CELF5: variants seen among roughly 807,000 people sequenced by gnomAD.
CELF5 encodes CUGBP Elav-like family member 5, also known as CUG-BP and ETR-3 like factor 5.
A neutral mutation model predicts 54.9 loss-of-function variants in CELF5; 6 were observed. That is an observed-to-expected ratio of 0.11 (90% CI 0.06 to 0.22). CELF5 has a LOEUF of 0.22. CELF5 is among the 10% of genes least tolerant of loss of function. The probability of loss-of-function intolerance (pLI) is 1.00; values close to 1 mark genes in which losing one functional copy is unlikely to be tolerated. For synonymous variants in CELF5, 271 were observed against 290.9 expected, an observed-to-expected ratio of 0.93 and a Z score of 0.70; for missense variants, 401 against 678.6, an observed-to-expected ratio of 0.59 and a Z score of 4.54.
At chr19:3,232,790 T>G (rs1400854758) in intron 1 of CELF5, among the ~76,000 whole-genome samples, 2 of 149,986 alleles carry the variant, frequency 1.3e-5, no homozygotes, top group Non-Finnish European at 3.0e-5. Flanking sequence ...AAAAATAAAT[T>G]TAGGCTGGGC....
intron 2 of CELF5, among the ~76,000 whole-genome samples, chr19:3,266,588 T>C (rs1431079355): frequency 6.6e-6 from 1 of 152,230 alleles, no homozygotes; most frequent in Non-Finnish European, 1.5e-5. Context: ...TTCACATGTC[T>C]GTTGAGACAA....
chr19:3,231,481 GAT>G (rs1568327493), intron 1 of CELF5, among the ~76,000 whole-genome samples: 13 of 148,678 alleles, frequency 8.7e-5, no homozygotes, highest in East Asian at 2.0e-4. Context: ...TGGATGGATG[GAT>G]GGATGGATGG....
chr19:3,237,753 G>A (rs1347914535), intron 1 of CELF5, among the ~76,000 whole-genome samples: 1 of 152,130 alleles, frequency 6.6e-6, no homozygotes, highest in African/African-American at 2.4e-5. Flanking sequence ...TCGTGATTAA[G>A]AATATCTAAC....
intron 2 of CELF5, among the ~76,000 whole-genome samples, chr19:3,270,209 C>T (rs2079937893): frequency 6.6e-6 from 1 of 152,130 alleles, no homozygotes; most frequent in Non-Finnish European, 1.5e-5. Context: ...AAGGGTCCTT[C>T]CTGGAGTTCC....
intron 2 of CELF5, among the ~76,000 whole-genome samples, chr19:3,270,844 T>C (rs2079950545): frequency 6.6e-6 from 1 of 151,624 alleles, no homozygotes; most frequent in Non-Finnish European, 1.5e-5. Context: ...GGAAGGGACC[T>C]CCCAGTAGGA....
At chr19:3,238,670 G>A (rs535816722) in intron 1 of CELF5, among the ~76,000 whole-genome samples, 7 of 152,100 alleles carry the variant, frequency 4.6e-5, no homozygotes, top group African/African-American at 1.7e-4. Flanking sequence ...GGTGGCTCAC[G>A]CCTGTAATCC....
chr19:3,288,590 G>A (rs2080291625), intron 10 of CELF5, among the ~76,000 whole-genome samples: 1 of 152,152 alleles, frequency 6.6e-6, no homozygotes, highest in Non-Finnish European at 1.5e-5. Context: ...GCTGACACCT[G>A]TAATCCCAGC....
chr19:3,255,007 C>G (rs2079703017), intron 2 of CELF5, among the ~76,000 whole-genome samples: 1 of 151,910 alleles, frequency 6.6e-6, no homozygotes, highest in Non-Finnish European at 1.5e-5. Context: ...CATCCATTCA[C>G]CCATCTACAC....
intron 2 of CELF5, among the ~76,000 whole-genome samples, chr19:3,260,205 G>A (rs751545022): frequency 1.5e-4 from 22 of 148,612 alleles, no homozygotes; most frequent in Non-Finnish European, 3.1e-4. Flanking sequence ...CAACCTCCAC[G>A]TCCCGGGTTC....
intron 2 of CELF5, among the ~76,000 whole-genome samples, chr19:3,259,355 A>T (rs1365915887): frequency 6.6e-6 from 1 of 151,648 alleles, no homozygotes; most frequent in Non-Finnish European, 1.5e-5. Context: ...GGCATGGAGT[A>T]GGTGGAGGCC....
At chr19:3,259,379 A>G (rs1431718126) in intron 2 of CELF5, among the ~76,000 whole-genome samples, 3 of 151,990 alleles carry the variant, frequency 2.0e-5, no homozygotes, top group Non-Finnish European at 4.4e-5. Context: ...GACGCTACTC[A>G]GCACCCTGCA....
chr19:3,243,656 C>T (rs1438886935), intron 1 of CELF5, among the ~76,000 whole-genome samples: 1 of 152,128 alleles, frequency 6.6e-6, no homozygotes, highest in African/African-American at 2.4e-5. Context: ...CTGCCGTAAC[C>T]ACACACCACA....
intron 2 of CELF5, among the ~76,000 whole-genome samples, chr19:3,270,996 C>G (rs553664944): frequency 6.6e-6 from 1 of 151,904 alleles, no homozygotes; most frequent in African/African-American, 2.4e-5. Context: ...CTCCCTCCCT[C>G]GTCCATCTCC....
chr19:3,273,988 TCTTC>T, intron 3 of CELF5, 65 bp downstream of exon 3: 5 of 1,503,112 alleles, frequency 3.3e-6, no homozygotes, highest in Non-Finnish European at 4.6e-6. Flanking sequence ...AAGGAAAATC[TCTTC>T]CTTCCTCTCT....
chr19:3,264,303 GT>G (rs11419528), intron 2 of CELF5, among the ~76,000 whole-genome samples: 36 of 144,202 alleles, frequency 2.5e-4, no homozygotes, highest in Non-Finnish European at 3.0e-4. Flanking sequence ...AGCACTAGGT[GT>G]TTTTTTTTTT....
rs1487358056 is a variant in CELF5 at position 3,278,010 on chromosome 19, C to G, written c.524-21C>G. 2 of 1,607,434 alleles carry G rather than the reference C, an allele frequency of 1.2e-6. No individual in the cohort carries two copies. Among genetic ancestry groups the G allele is most frequent in the Non-Finnish European group, 1.7e-6 (2 of 1,174,428 alleles). ...CCTGTGACCCCATCACCCTCTACCT[C>G]TTCTTCTTCTCTTGGAGCAGGCTGT... On this transcript the variant is annotated intron_variant, in intron 4 of 12. Transcript: ENST00000292672. This position sits in a 1 kb window ranked among gnomAD's most constrained non-coding sequence, Gnocchi z 4.5.
chr19:3,267,289 C>A (rs1022534506), intron 2 of CELF5, among the ~76,000 whole-genome samples: 13 of 152,292 alleles, frequency 8.5e-5, no homozygotes, highest in Admixed American at 3.9e-4. Flanking sequence ...AGGGCAACCC[C>A]CCCGTTTCCG....
intron 2 of CELF5, among the ~76,000 whole-genome samples, chr19:3,272,274 C>T (rs2079979090): frequency 6.6e-6 from 1 of 151,724 alleles, no homozygotes; most frequent in Non-Finnish European, 1.5e-5. Flanking sequence ...GAGGCTGAGG[C>T]TGGAGAATTG....
chr19:3,274,325 T>C (rs531427613), intron 3 of CELF5, among the ~76,000 whole-genome samples: 30 of 152,304 alleles, frequency 2.0e-4, no homozygotes, highest in South Asian at 1.9e-3. Flanking sequence ...TATGTGTGCA[T>C]GCTTAAATGT....
Sources: gnomAD v4.1 joint callset for allele counts (sites outside exome capture counted in the v4.1 genomes callset) on GRCh38, gnomAD v4.1.1 for gene constraint, Gnocchi (gnomAD v3.1) non-coding constraint, MANE v1.5 for transcripts, NCBI Gene and HGNC (gene_info 2026-07-23, HGNC 2026-07-21) for gene names.